The following ADGRA2 variants were observed in gnomAD, a reference collection of about 807,000 sequenced individuals.
ADGRA2 encodes G-protein coupled receptor 124.
A neutral mutation model predicts 98.7 loss-of-function variants in ADGRA2; 61 were observed. The ratio of observed to expected loss-of-function variants is 0.62; its 90% CI spans 0.50 to 0.76. The LOEUF is 0.76. Among genes scored for constraint, ADGRA2 ranks in the 30% least tolerant of loss-of-function variants. ADGRA2 has a pLI of 0.00. For synonymous variants in ADGRA2, 858 were observed against 831.5 expected, an observed-to-expected ratio of 1.03 and a Z score of -0.55; for missense variants, 1,712 against 1,860.0, an observed-to-expected ratio of 0.92 and a Z score of 1.46.
chr8:37,797,635 C>A lies in ADGRA2; in HGVS notation c.266+101C>A. The stretch of plus-strand genomic sequence containing the variant: ...CAGGGGGAAGGGGGCTATCCCCCCA[C>A]TTCAGAGATTTCTGGACAGGCCTGG... On this transcript the variant is annotated intron_variant, in intron 1 of 18. Transcript: ENST00000412232. This position sits in a 1 kb window ranked among gnomAD's most constrained non-coding sequence, Gnocchi z 5.3. 2 of 1,125,666 alleles carry A rather than the reference C, an allele frequency of 1.8e-6. No individual in the cohort carries two copies. Among genetic ancestry groups the A allele is most frequent in the Non-Finnish European group, 2.3e-6 (2 of 871,470 alleles). 69.7% of individuals were successfully genotyped at this position (1,125,666 alleles called of 1,614,324 possible). A position where few individuals can be genotyped will look rare whatever the true frequency, so the allele number is the denominator to read the frequency against.
Position 37,828,870 on chromosome 8 carries a change from C to A in ADGRA2, c.339-18C>A. On this transcript the variant is annotated intron_variant, in intron 2 of 18. Transcript: ENST00000412232. ...CCAGCGGGGAGAGGTGTGAGGGCCT[C>A]TGCACTTGCCTCTGCAGGGACCTGA... 1 of 1,593,122 alleles carries A rather than the reference C, an allele frequency of 6.3e-7. No individual in the cohort carries two copies. The highest frequency in any genetic ancestry group is 8.5e-7 in the Non-Finnish European group (1 of 1,170,828).
At chr8:37,826,700 C>A (rs1805293304) in intron 2 of ADGRA2, among the ~76,000 whole-genome samples, 2 of 152,182 alleles carry the variant, frequency 1.3e-5, no homozygotes. Context: ...GACAGTACCT[C>A]CCCGTCCTGA....
rs544863564 is a variant in ADGRA2 at position 37,827,690 on chromosome 8, G to T, written c.339-1198G>T. Among the ~76,000 whole-genome samples, 47 of 152,336 alleles carry T rather than the reference G, an allele frequency of 3.1e-4. No homozygotes were observed. In the South Asian group the frequency reaches 9.5e-3, roughly 31 times the overall value. ...CCTTGAACAAGCTGTCACTTCCCTG[G>T]CTTCCTCATCTGAAGGAGGAGGCTG... On this transcript the variant is annotated intron_variant, in intron 2 of 18. Coordinates refer to ENST00000412232, the MANE Select transcript of ADGRA2 (RefSeq NM_032777.10).
Position 37,814,777 on chromosome 8 carries a change from C to T in ADGRA2, c.267-119C>T, listed in dbSNP as rs928121467. Reference sequence around the variant, plus strand: ...GGAAGTAGAGGGTGGGGGCTGCTGCCTCGCACAACTCCAGGGGGCGCCATT... The same window carrying T: ...GGAAGTAGAGGGTGGGGGCTGCTGCTTCGCACAACTCCAGGGGGCGCCATT... On this transcript the variant is annotated intron_variant, in intron 1 of 18. Transcript: ENST00000412232. The surrounding 1 kb of genome is among the most constrained non-coding windows in gnomAD (Gnocchi z 4.3). The T allele has an allele frequency of 5.4e-6, 4 of 738,696 alleles. No homozygotes were observed. The highest frequency in any genetic ancestry group is 9.8e-6 in the Non-Finnish European group (4 of 409,172). 45.8% of individuals were successfully genotyped at this position (738,696 alleles called of 1,614,324 possible). A position where few individuals can be genotyped will look rare whatever the true frequency, so the allele number is the denominator to read the frequency against.
Position 37,833,696 on chromosome 8 carries a change from C to T in ADGRA2, c.1305C>T (p.Ile435=). The T allele has an allele frequency of 3.1e-6, 5 of 1,614,100 alleles. No individual in the cohort carries two copies. The highest frequency in any genetic ancestry group is 4.2e-6 in the Non-Finnish European group (5 of 1,179,964). The change falls in exon 10 of 19, where the codon ATC becomes ATT. Residue 435 remains isoleucine (I), a synonymous_variant. Transcript: ENST00000412232. ...RVLYTFVLMP[I]NASNALTLAH... is the part of the protein sequence containing the mutation. Reference sequence around the variant, plus strand: ...CTTCCCCCAATCCCCAGATGCCCATCAATGCCTCCAATGCGCTGACCCTGG... The same window carrying T: ...CTTCCCCCAATCCCCAGATGCCCATTAATGCCTCCAATGCGCTGACCCTGG...
chr8:37,806,652 C>T (rs1009844790), intron 1 of ADGRA2, among the ~76,000 whole-genome samples: 1 of 151,336 alleles, frequency 6.6e-6, no homozygotes, highest in Non-Finnish European at 1.5e-5. Context: ...GCCTCAGCCT[C>T]CCTAGTAGCT....
At chr8:37,819,219 G>A (rs1805062920) in intron 2 of ADGRA2, among the ~76,000 whole-genome samples, 1 of 152,218 alleles carries the variant, frequency 6.6e-6, no homozygotes, top group African/African-American at 2.4e-5. Flanking sequence ...ACAGGACCCA[G>A]TGACAGGGCC....
intron 2 of ADGRA2, among the ~76,000 whole-genome samples, chr8:37,816,253 G>A (rs1041152094): frequency 6.6e-5 from 10 of 151,966 alleles, no homozygotes; most frequent in Admixed American, 2.0e-4. Flanking sequence ...TTGTGCCACT[G>A]CACTCCAGCC....
chr8:37,820,870 C>T (rs1205416067), intron 2 of ADGRA2, among the ~76,000 whole-genome samples: 4 of 150,430 alleles, frequency 2.7e-5, no homozygotes, highest in Non-Finnish European at 4.4e-5. Context: ...AGGAAGGGGC[C>T]ACAGAGCGGA....
intron 7 of ADGRA2, 77 bp from the exon 8 acceptor site, chr8:37,831,346 G>A (rs1276940010): frequency 3.6e-6 from 5 of 1,381,420 alleles, no homozygotes; most frequent in African/African-American, 2.8e-5. Context: ...AGCTAGTGTT[G>A]TAGGACGGTG....
rs1805918647 is a variant in ADGRA2, at chr8:37,844,726, AATTATTTC to A, written c.*2372_*2379del. 6.2e-7 allele frequency: 1 copy of A among 1,613,866 alleles called. No individual in the cohort carries two copies. Among genetic ancestry groups the A allele is most frequent in the Non-Finnish European group, 8.5e-7 (1 of 1,180,012 alleles). ...CGCTTCCCCTGGGGTAAACCTAAGG[AATTATTTC>A]CCACCTCCCCTTCTCCTTGCCCCTG... On this transcript the variant is annotated 3_prime_UTR_variant, in exon 19 of 19. Transcript: ENST00000412232.
intron 13 of ADGRA2, 149 bp downstream of exon 13, chr8:37,835,919 G>T: frequency 1.6e-6 from 1 of 624,170 alleles, no homozygotes; most frequent in South Asian, 1.8e-5. Flanking sequence ...TCCCAACAGG[G>T]CAGAGGGTAG....
At chr8:37,808,888 T>C (rs1427541080) in intron 1 of ADGRA2, among the ~76,000 whole-genome samples, 1 of 152,108 alleles carries the variant, frequency 6.6e-6, no homozygotes, top group Non-Finnish European at 1.5e-5. Flanking sequence ...TGGCATGATT[T>C]ATCTTGGCTT....
chr8:37,839,321 T>C, intron 15 of ADGRA2, 178 bp from the exon 16 acceptor site: 2 of 807,174 alleles, frequency 2.5e-6, no homozygotes, highest in African/African-American at 3.7e-5. Context: ...TCTCACCCAT[T>C]GGGGTTGGAA....
rs533491458 is a variant in ADGRA2 at position 37,806,526 on chromosome 8, C to CTTTTTTTTT, written c.267-8362_267-8354dup. Among the ~76,000 whole-genome samples, 22 of 100,336 alleles carry CTTTTTTTTT rather than the reference C, an allele frequency of 2.2e-4. 1 individual carries two copies. Among genetic ancestry groups the CTTTTTTTTT allele is most frequent in the African/African-American group, 6.2e-4 (12 of 19,492 alleles). The allele number at this position is 100,336 out of a possible 152,430, so 65.8% of individuals were successfully genotyped here. The stretch of plus-strand genomic sequence containing the variant: ...CTTTTTCTTTTTCTTTTTTCTTTTT[C>CTTTTTTTTT]TTTTTTTTTTTTTTTTGAGACAGAG... On this transcript the variant is annotated intron_variant, in intron 1 of 18. Coordinates refer to ENST00000412232, the MANE Select transcript of ADGRA2 (RefSeq NM_032777.10).
intron 1 of ADGRA2, among the ~76,000 whole-genome samples, chr8:37,800,526 A>G (rs1321489871): frequency 1.3e-5 from 2 of 152,196 alleles, no homozygotes; most frequent in African/African-American, 2.4e-5. Flanking sequence ...AGTTTTCTCC[A>G]TCAGGTAAGG....
rs1479646294 is a variant in ADGRA2, at chr8:37,797,464, G to A, written c.196G>A (p.Val66Met). ...GGVPGPARRRVVCSGGDLPEP... is the reference protein window; with the variant it reads ...GGVPGPARRRMVCSGGDLPEP... The stretch of plus-strand genomic sequence containing the variant: ...CGTCCCTGGCCCGGCTCGGCGGAGG[G>A]TGGTGTGCAGCGGCGGGGACCTCCC... Residue 66 changes from valine (V) to methionine (M), a missense_variant, in exon 1 of 19, where the codon GTG (valine) becomes ATG (methionine). By Grantham distance (21) the Val-to-Met change is conservative. Coordinates refer to ENST00000412232, the MANE Select transcript of ADGRA2 (RefSeq NM_032777.10). The surrounding 1 kb of genome is among the most constrained non-coding windows in gnomAD (Gnocchi z 5.3). 2 of 1,428,722 alleles carry A rather than the reference G, an allele frequency of 1.4e-6. No individual in the cohort carries two copies. Among genetic ancestry groups the A allele is most frequent in the Non-Finnish European group, 1.8e-6 (2 of 1,091,010 alleles). 88.5% of individuals were successfully genotyped at this position (1,428,722 alleles called of 1,614,324 possible).
chr8:37,825,094 T>TA (rs1393317827), intron 2 of ADGRA2, among the ~76,000 whole-genome samples: 2 of 152,070 alleles, frequency 1.3e-5, no homozygotes, highest in Non-Finnish European at 2.9e-5. Flanking sequence ...GGGCAATGGG[T>TA]AGCAGGGAGG....
At position 37,829,870 on chromosome 8, in the gene ADGRA2, C is replaced by T. The variant is rs371999331; in HGVS notation, c.574C>T (p.Leu192=). The T allele has an allele frequency of 6.2e-7, 1 of 1,612,644 alleles. No homozygotes were observed. ...LKVVDLGTEF[L]TCDCHLRWLL... is the part of the protein sequence containing the mutation. ...CTGCAGGGACTTGGGCACCGAGTTC[C>T]TGACCTGTGACTGCCACCTGCGCTG... The change falls in exon 6 of 19, where the codon CTG becomes TTG. Residue 192 remains leucine (L), a synonymous_variant. Transcript: ENST00000412232.
Sources: allele counts gnomAD v4.1 joint callset (sites outside exome capture counted in the v4.1 genomes callset), GRCh38; gene constraint gnomAD v4.1.1; non-coding constraint Gnocchi (gnomAD v3.1); transcripts MANE v1.5; gene names NCBI Gene and HGNC (gene_info 2026-07-23, HGNC 2026-07-21).